Variants in TUBE1 observed in about 807,000 individuals in gnomAD.
TUBE1 encodes the protein tubulin epsilon 1.
Under a neutral mutation model 53.5 loss-of-function variants are expected in TUBE1, and 34 were observed. The ratio of observed to expected loss-of-function variants is 0.64; its 90% CI spans 0.48 to 0.85. The LOEUF (loss-of-function observed/expected upper bound fraction) is 0.85. TUBE1 is among the 40% of genes least tolerant of loss of function. The pLI is 0.00. For synonymous variants in TUBE1, 177 were observed against 198.4 expected (o/e 0.89, Z 0.91); for missense variants, 532 against 570.5 (o/e 0.93, Z 0.69).
intron 2 of TUBE1, chr6:112,086,906 T>C (rs1777169071): frequency 4.1e-6 from 2 of 491,114 alleles, no homozygotes; most frequent in African/African-American, 3.9e-5. Context: ...AAAAGCTGAC[T>C]GGTTAAATTA....
intron 4 of TUBE1, among the ~76,000 whole-genome samples, chr6:112,083,320 ATT>A (rs587770144): frequency 3.0e-4 from 39 of 131,398 alleles, no homozygotes; most frequent in African/African-American, 4.6e-4. Flanking sequence ...CTTCCATAAC[ATT>A]TTTTTTTTTT....
At chr6:112,083,050 T>G (rs1554316926) in intron 4 of TUBE1, among the ~76,000 whole-genome samples, 1 of 152,146 alleles carries the variant, frequency 6.6e-6, no homozygotes. Context: ...GGAAAAAGAT[T>G]CAACTGGGAG....
At position 112,072,078 on chromosome 6, in the gene TUBE1, TGA is replaced by T; in HGVS notation, c.1095-4_1095-3del. 6.4e-7 allele frequency: 1 copy of T among 1,572,024 alleles called. No homozygotes were observed. ...ACAAATTGTAGAGATGGTTTTAATC[TGA>T]GATTAAAAAAAAAAATCTCAGAAGG... On this transcript the variant is annotated splice_polypyrimidine_tract_variant and splice_region_variant and intron_variant, in intron 10 of 11. Transcript: ENST00000368662.
intron 6 of TUBE1, 37 bp downstream of exon 6, chr6:112,079,596 T>A: frequency 6.2e-7 from 1 of 1,603,358 alleles, no homozygotes; most frequent in East Asian, 2.2e-5. Context: ...CACTTATCCT[T>A]TAACACTGTT....
rs1338840885 is a variant in TUBE1, at chr6:112,087,464, C to G, written c.-30G>C. The G allele has an allele frequency of 1.9e-6, 3 of 1,548,542 alleles. No individual in the cohort carries two copies. The African/African-American group carries it at 4.1e-5, about 21-fold the overall frequency. On this transcript the variant is annotated 5_prime_UTR_variant, in exon 1 of 12. Transcript: ENST00000368662. ...GTGCGCCGCCGGCTCCGGGAGCTTG[C>G]TAGCCCGCGGCCGCTTCTGCATTCC...
At chr6:112,086,643 T>C in intron 2 of TUBE1, 35 bp from the exon 3 acceptor site, 4 of 1,461,822 alleles carry the variant, frequency 2.7e-6, no homozygotes, top group Non-Finnish European at 2.9e-6. Context: ...AGCATTTAGG[T>C]TTTGCTTCTC....
chr6:112,079,855 T>A lies in TUBE1; in HGVS notation c.327-101A>T, dbSNP rs186114002. The A allele has an allele frequency of 1.8e-3, 2,049 of 1,165,070 alleles. 3 individuals are homozygous for A. Among genetic ancestry groups the A allele is most frequent in the Non-Finnish European group, 2.1e-3 (1,738 of 826,756 alleles). The allele number at this position is 1,165,070 out of a possible 1,614,324, so 72.2% of individuals were successfully genotyped here. A position where few individuals can be genotyped will look rare whatever the true frequency, so the allele number is the denominator to read the frequency against. Reference sequence around the variant, plus strand: ...GGATTTTAAACAAATTTGAAAAGTATTCTTATTGAGCTAAGTAAAGTCTAT... The same window carrying A: ...GGATTTTAAACAAATTTGAAAAGTAATCTTATTGAGCTAAGTAAAGTCTAT... On this transcript the variant is annotated intron_variant, in intron 5 of 11. Transcript: ENST00000368662.
At chr6:112,083,985 C>G (rs1298463096) in intron 4 of TUBE1, 5 of 544,792 alleles carry the variant, frequency 9.2e-6, no homozygotes, top group Non-Finnish European at 1.3e-5. Flanking sequence ...TGAAAACAGG[C>G]TAACTACAGT....
At chr6:112,073,236 C>T (rs899240581) in intron 9 of TUBE1, among the ~76,000 whole-genome samples, 6 of 151,902 alleles carry the variant, frequency 3.9e-5, no homozygotes, top group East Asian at 3.9e-4. Context: ...TTACTTAGTT[C>T]GGTATACCTT....
At position 112,087,464 on chromosome 6, in the gene TUBE1, C is replaced by T. The variant is rs1338840885; in HGVS notation, c.-30G>A. The T allele has an allele frequency of 3.2e-6, 5 of 1,548,542 alleles. No homozygotes were observed. The highest frequency in any genetic ancestry group is 2.7e-5 in the African/African-American group (2 of 73,012). On this transcript the variant is annotated 5_prime_UTR_variant, in exon 1 of 12. Transcript: ENST00000368662. ...GTGCGCCGCCGGCTCCGGGAGCTTG[C>T]TAGCCCGCGGCCGCTTCTGCATTCC...
intron 4 of TUBE1, among the ~76,000 whole-genome samples, chr6:112,081,782 A>G (rs1554316778): frequency 6.6e-6 from 1 of 151,168 alleles, no homozygotes; most frequent in African/African-American, 2.4e-5. Context: ...AGAATATAAA[A>G]CACAAAATTA....
intron 4 of TUBE1, among the ~76,000 whole-genome samples, chr6:112,082,968 A>G (rs1325178919): frequency 6.6e-6 from 1 of 152,180 alleles, no homozygotes; most frequent in Non-Finnish European, 1.5e-5. Context: ...CAAAGGCTAC[A>G]AAAACACGCT....
intron 6 of TUBE1, chr6:112,078,329 CACTT>C (rs1391251851): frequency 6.6e-6 from 1 of 151,996 alleles, no homozygotes; most frequent in Non-Finnish European, 1.5e-5. Context: ...ACACCATAAA[CACTT>C]AATACCCATA....
rs1776853016 is a variant in TUBE1 at position 112,071,261 on chromosome 6, C to A, written c.*151G>T. On this transcript the variant is annotated 3_prime_UTR_variant, in exon 12 of 12. Coordinates refer to ENST00000368662, the MANE Select transcript of TUBE1 (RefSeq NM_016262.5). ...TAATTTCACACATTGGTATTACCAA[C>A]AAATTGCGATTAAACAGAAATCACT... 5 of 666,582 alleles carry A rather than the reference C, an allele frequency of 7.5e-6. No individual in the cohort carries two copies. Among genetic ancestry groups the A allele is most frequent in the Non-Finnish European group, 1.1e-5 (5 of 438,762 alleles). The allele number at this position is 666,582 out of a possible 1,614,324, so 41.3% of individuals were successfully genotyped here.
intron 5 of TUBE1, 40 bp from the exon 6 acceptor site, chr6:112,079,794 TA>T (rs1554316524): frequency 3.2e-6 from 5 of 1,573,948 alleles, no homozygotes; most frequent in South Asian, 2.4e-5. Flanking sequence ...TCCTTGCATT[TA>T]TTTTTTTATT....
At chr6:112,086,314 T>A (rs1220563600) in intron 3 of TUBE1, among the ~76,000 whole-genome samples, 1 of 152,220 alleles carries the variant, frequency 6.6e-6, no homozygotes, top group Middle Eastern at 3.2e-3. Flanking sequence ...ATTTCAGCTT[T>A]CTTTTAATGA....
At position 112,087,050 on chromosome 6, in the gene TUBE1, G is replaced by A. The variant is rs115322746; in HGVS notation, c.99+183C>T. 2.6e-3 allele frequency: 1,567 copies of A among 609,864 alleles called. 13 individuals are homozygous for A. The highest frequency in any genetic ancestry group is 0.021 in the African/African-American group (1,149 of 53,926). The allele number at this position is 609,864 out of a possible 1,614,324, so 37.8% of individuals were successfully genotyped here. A position where few individuals can be genotyped will look rare whatever the true frequency, so the allele number is the denominator to read the frequency against. On this transcript the variant is annotated intron_variant, in intron 2 of 11. Transcript: ENST00000368662. ...GAAAAACGTTAAGACTAAGGTCGCT[G>A]GCCAGTGTTCTTTTAGTTTAGTGTG...
chr6:112,071,624 A>C (rs1164491507), intron 11 of TUBE1, 54 bp from the exon 12 acceptor site: 13 of 1,381,870 alleles, frequency 9.4e-6, no homozygotes, highest in Middle Eastern at 2.3e-4. Context: ...TTAATACATA[A>C]GACTATCCTA....
intron 4 of TUBE1, among the ~76,000 whole-genome samples, chr6:112,083,624 A>G (rs185291748): frequency 6.0e-4 from 91 of 152,312 alleles, no homozygotes; most frequent in Non-Finnish European, 1.8e-4. Flanking sequence ...AGCACCTTCC[A>G]TAACATTTAA....
Sources: allele counts gnomAD v4.1 joint callset (sites outside exome capture counted in the v4.1 genomes callset), GRCh38; gene constraint gnomAD v4.1.1; transcripts MANE v1.5; gene names NCBI Gene and HGNC (gene_info 2026-07-23, HGNC 2026-07-21).